Variants in FAS observed in about 807,000 individuals in gnomAD.
The protein encoded by FAS is Fas cell surface death receptor.
Under a neutral mutation model 33.2 loss-of-function variants are expected in FAS, and 5 were observed. The ratio of observed to expected loss-of-function variants is 0.15; its 90% CI spans 0.08 to 0.32. The LOEUF (loss-of-function observed/expected upper bound fraction) is 0.32. Ranked by LOEUF, FAS falls within the 10% of genes least tolerant of loss-of-function variation. The pLI, the probability that FAS is intolerant of heterozygous loss-of-function variation, is 1.00. For synonymous variants in FAS, 131 were observed against 130.7 expected (o/e 1.00, Z -0.01); for missense variants, 339 against 386.0 (o/e 0.88, Z 1.02).
intron 2 of FAS, among the ~76,000 whole-genome samples, chr10:88,980,597 A>G (rs900275687): frequency 6.6e-6 from 1 of 152,242 alleles, no homozygotes; most frequent in African/African-American, 2.4e-5. Flanking sequence ...AACACAGTCC[A>G]TGGTACAAAG....
chr10:88,966,707 G>A (rs546328141), intron 1 of FAS, among the ~76,000 whole-genome samples: 6 of 152,280 alleles, frequency 3.9e-5, no homozygotes, highest in Admixed American at 1.3e-4. Context: ...TTCCTCATCT[G>A]CAAAATGACA....
intron 2 of FAS, among the ~76,000 whole-genome samples, chr10:89,006,363 T>G (rs2133492991): frequency 6.6e-6 from 1 of 152,354 alleles, no homozygotes. Flanking sequence ...CTTTACTTAC[T>G]AAAATAGCAT....
rs1304457719 is a variant in FAS at position 89,014,667 on chromosome 10, A to G, written c.*217A>G. On this transcript the variant is annotated 3_prime_UTR_variant, in exon 9 of 9. Transcript: ENST00000652046. ...GGAAAACAAACTTCATCAAGAGTAA[A>G]TGCAGTGGCATGCTAAGTACCCAAA... The G allele has an allele frequency of 1.5e-6, 1 of 679,756 alleles. No individual in the cohort carries two copies. The highest frequency in any genetic ancestry group is 2.7e-6 in the Non-Finnish European group (1 of 373,244). 42.1% of individuals were successfully genotyped at this position (679,756 alleles called of 1,614,324 possible).
At position 89,008,949 on chromosome 10, in the gene FAS, A is replaced by T. The variant is rs1366487814; in HGVS notation, c.395A>T (p.Asn132Ile). Residue 132 changes from asparagine (N) to isoleucine (I), a missense_variant, in exon 4 of 9, where the codon AAC (asparagine) becomes ATC (isoleucine). Asn to Ile is a moderately radical substitution (Grantham distance 149). This residue lies in a region of FAS where 276 missense variants were observed against 300.1 expected (regional missense o/e 0.92). Transcript: ENST00000652046. ...AATACCAAGTGCAGATGTAAACCAAACTTTTTTTGTAACTCTACTGTATGT... is the reference window on the plus strand; with the variant it reads ...AATACCAAGTGCAGATGTAAACCAATCTTTTTTTGTAACTCTACTGTATGT... ...TQNTKCRCKP[N>I]FFCNSTVCEH... 6.2e-7 allele frequency: 1 copy of T among 1,613,852 alleles called. No homozygotes were observed. Among genetic ancestry groups the T allele is most frequent in the Non-Finnish European group, 8.5e-7 (1 of 1,179,886 alleles).
chr10:88,989,262 T>C (rs1296796955), upstream of FAS, among the ~76,000 whole-genome samples: 3 of 152,176 alleles, frequency 2.0e-5, no homozygotes, highest in Non-Finnish European at 4.4e-5. Context: ...TTTCCCCTTT[T>C]TTTCTCTCTT....
At chr10:88,965,597 C>A (rs1264810983) in intron 1 of FAS, among the ~76,000 whole-genome samples, 1 of 152,122 alleles carries the variant, frequency 6.6e-6, no homozygotes, top group Non-Finnish European at 1.5e-5. Context: ...CCACCAAAAG[C>A]CAATGCACAG....
At chr10:88,996,235 A>C (rs575309525) in intron 1 of FAS, among the ~76,000 whole-genome samples, 1 of 152,172 alleles carries the variant, frequency 6.6e-6, no homozygotes. Context: ...GTTTTTAGCC[A>C]TTCTCACAGA....
chr10:88,988,642 T>G (rs1846993451), upstream of FAS, among the ~76,000 whole-genome samples: 1 of 152,068 alleles, frequency 6.6e-6, no homozygotes, highest in South Asian at 2.1e-4. Context: ...TCTTTGCCCT[T>G]GAAGGCCTGA....
Position 89,003,248 on chromosome 10 carries a change from C to A in FAS, c.196+54C>A. On this transcript the variant is annotated intron_variant, in intron 2 of 8. Coordinates refer to ENST00000652046, the MANE Select transcript of FAS (RefSeq NM_000043.6). ...CAGTGAAAGTCACAGTTAGGAGTAGCACATAGTAATCATGACTATAATAAT... is the reference window on the plus strand; with the variant it reads ...CAGTGAAAGTCACAGTTAGGAGTAGAACATAGTAATCATGACTATAATAAT... 1.9e-6 allele frequency: 3 copies of A among 1,593,650 alleles called. No individual in the cohort carries two copies. In the South Asian group the frequency reaches 3.3e-5, roughly 18 times the overall value.
intron 1 of FAS, among the ~76,000 whole-genome samples, chr10:89,001,457 G>A (rs899707705): frequency 1.3e-5 from 2 of 151,478 alleles, no homozygotes; most frequent in Admixed American, 1.3e-4. Flanking sequence ...GCCTGAATGG[G>A]GGTCTATATT....
At chr10:88,971,589 T>C (rs1274850542) in intron 1 of FAS, among the ~76,000 whole-genome samples, 1 of 152,174 alleles carries the variant, frequency 6.6e-6, no homozygotes, top group Non-Finnish European at 1.5e-5. Flanking sequence ...TGGATTTGCC[T>C]TTTTTTCTTA....
intron 1 of FAS, among the ~76,000 whole-genome samples, chr10:88,969,138 G>A (rs1414906179): frequency 6.6e-6 from 1 of 152,096 alleles, no homozygotes; most frequent in Admixed American, 6.6e-5. Flanking sequence ...TTATAAGTAG[G>A]ATCTTGATTA....
At chr10:89,013,993 G>T in intron 8 of FAS, 126 bp from the exon 9 acceptor site, 1 of 944,432 alleles carries the variant, frequency 1.1e-6, no homozygotes, top group South Asian at 1.6e-5. Flanking sequence ...CCCCTAGTCA[G>T]CTCTTCATAG....
At chr10:88,983,609 C>CAA (rs71022549), upstream of FAS, among the ~76,000 whole-genome samples, 32 of 46,460 alleles carry the variant, frequency 6.9e-4, 2 homozygotes, top group Middle Eastern at 0.022. Flanking sequence ...ACAGGTTATG[C>CAA]AAAAAAAAAA....
chr10:88,970,891 G>GTA (rs1384508107), intron 1 of FAS, among the ~76,000 whole-genome samples: 5 of 150,366 alleles, frequency 3.3e-5, no homozygotes, highest in African/African-American at 1.2e-4. Flanking sequence ...GTGTGTGTGT[G>GTA]TGTGTGTATA....
At chr10:88,971,505 C>T (rs191758501) in intron 1 of FAS, among the ~76,000 whole-genome samples, 12 of 152,306 alleles carry the variant, frequency 7.9e-5, no homozygotes, top group Non-Finnish European at 2.9e-5. Context: ...AGACATATTT[C>T]CTCAAATCCC....
intron 1 of FAS, among the ~76,000 whole-genome samples, chr10:88,971,681 A>G (rs1846450626): frequency 6.6e-6 from 1 of 152,152 alleles, no homozygotes; most frequent in African/African-American, 2.4e-5. Flanking sequence ...CTAATAGGAC[A>G]CGTGTAAGAC....
At chr10:88,969,274 A>T (rs1846379756) in intron 1 of FAS, among the ~76,000 whole-genome samples, 1 of 152,200 alleles carries the variant, frequency 6.6e-6, no homozygotes, top group Non-Finnish European at 1.5e-5. Context: ...CATTTCCCAA[A>T]AAAAGCTCTT....
intron 4 of FAS, among the ~76,000 whole-genome samples, chr10:89,009,550 A>C: frequency 6.6e-6 from 1 of 152,234 alleles, no homozygotes; most frequent in East Asian, 1.9e-4. Flanking sequence ...AGAAGCGTTC[A>C]GGGCTGAATC....
Sources: gnomAD v4.1 joint callset for allele counts (sites outside exome capture counted in the v4.1 genomes callset) on GRCh38, gnomAD v4.1.1 for gene constraint, gnomAD v4.1.1 regional missense constraint, MANE v1.5 for transcripts, NCBI Gene and HGNC (gene_info 2026-07-23, HGNC 2026-07-21) for gene names.